Variants in IL1RAPL1 observed in about 807,000 individuals in gnomAD.
IL1RAPL1 encodes the protein interleukin-1 receptor accessory protein-like 1.
IL1RAPL1 carries 3 observed loss-of-function variants against 48.4 expected under a neutral mutation model. That is an observed-to-expected ratio of 0.06 (90% confidence interval 0.03 to 0.16). The LOEUF is 0.16. Among genes scored for constraint, IL1RAPL1 ranks in the 10% least tolerant of loss-of-function variants. The probability of loss-of-function intolerance (pLI) is 1.00; values close to 1 mark genes in which losing one functional copy is unlikely to be tolerated. For synonymous variants in IL1RAPL1, 185 were observed against 187.7 expected, an observed-to-expected ratio of 0.99 and a Z score of 0.12; for missense variants, 349 against 530.6, an observed-to-expected ratio of 0.66 and a Z score of 3.36.
At chrX:28,663,552 G>T (rs1306863160) in intron 1 of IL1RAPL1, among the ~76,000 whole-genome samples, 2 of 112,020 alleles carry the variant, frequency 1.8e-5, no homozygotes, top group South Asian at 7.4e-4. Flanking sequence ...TGATGAATCA[G>T]AAACAAAGGA....
chrX:29,699,821 T>C (rs1454438197), intron 6 of IL1RAPL1, among the ~76,000 whole-genome samples: 1 of 112,518 alleles, frequency 8.9e-6, no homozygotes, highest in Non-Finnish European at 1.9e-5. Context: ...AGAGAAAGGA[T>C]GACTTCACTC....
At chrX:28,961,000 A>C (rs1426749493) in intron 2 of IL1RAPL1, among the ~76,000 whole-genome samples, 1 of 69,057 alleles carries the variant, frequency 1.4e-5, no homozygotes, top group African/African-American at 6.5e-5. Flanking sequence ...ACAGAGCGAG[A>C]CTCCGTCTCA....
intron 2 of IL1RAPL1, among the ~76,000 whole-genome samples, chrX:29,279,925 A>G (rs749366896): frequency 8.9e-6 from 1 of 111,861 alleles, no homozygotes; most frequent in East Asian, 2.8e-4. Flanking sequence ...ACCTTCAAGC[A>G]TTTTGTTTTA....
At chrX:29,900,778 G>C (rs1470276157) in intron 6 of IL1RAPL1, among the ~76,000 whole-genome samples, 2 of 111,554 alleles carry the variant, frequency 1.8e-5, no homozygotes, top group African/African-American at 6.5e-5. Flanking sequence ...CCACTAAGTG[G>C]ATCAAATTAG....
intron 1 of IL1RAPL1, among the ~76,000 whole-genome samples, chrX:28,722,034 C>T (rs948930760): frequency 1.5e-4 from 17 of 111,593 alleles, no homozygotes; most frequent in Admixed American, 7.6e-4. Flanking sequence ...AGCATGATGC[C>T]TCCAGCTTTG....
intron 2 of IL1RAPL1, among the ~76,000 whole-genome samples, chrX:29,083,470 G>T (rs1467148162): frequency 9.0e-6 from 1 of 111,543 alleles, no homozygotes; most frequent in South Asian, 3.8e-4. Flanking sequence ...CAAGGTAAGG[G>T]GCTGCCCAAG....
intron 2 of IL1RAPL1, among the ~76,000 whole-genome samples, chrX:29,150,089 G>C (rs1424472306): frequency 8.9e-6 from 1 of 112,285 alleles, no homozygotes; most frequent in Admixed American, 9.5e-5. Flanking sequence ...ATCAAAATCA[G>C]TATCAGAAAA....
At chrX:29,541,625 T>A (rs772047255) in intron 5 of IL1RAPL1, among the ~76,000 whole-genome samples, 2 of 112,036 alleles carry the variant, frequency 1.8e-5, no homozygotes, top group South Asian at 7.4e-4. Flanking sequence ...TTAAATGTTG[T>A]CCTTTGCAAC....
intron 3 of IL1RAPL1, among the ~76,000 whole-genome samples, chrX:29,284,609 G>C (rs978048839): frequency 5.4e-5 from 6 of 111,582 alleles, no homozygotes; most frequent in Non-Finnish European, 7.5e-5. Context: ...GCCGAGGATG[G>C]TGGCACGTGC....
chrX:29,411,695 G>T (rs936426486), intron 5 of IL1RAPL1, among the ~76,000 whole-genome samples: 1 of 91,493 alleles, frequency 1.1e-5, no homozygotes, highest in African/African-American at 4.2e-5. Context: ...CATTGTTAAA[G>T]AAACAACTAC....
At chrX:28,723,246 TATTA>T (rs1444552177) in intron 1 of IL1RAPL1, among the ~76,000 whole-genome samples, 4 of 111,097 alleles carry the variant, frequency 3.6e-5, no homozygotes, top group South Asian at 7.6e-4. Context: ...ATTGGTAGGC[TATTA>T]ATTATTGCCT....
chrX:28,775,331 A>G (rs901481530), intron 1 of IL1RAPL1, among the ~76,000 whole-genome samples: 4 of 112,000 alleles, frequency 3.6e-5, no homozygotes, highest in African/African-American at 3.2e-5. Flanking sequence ...CCTGGTTTCT[A>G]GTGGTTACCA....
At chrX:29,666,995 AAAAT>A (rs1467859038) in intron 5 of IL1RAPL1, among the ~76,000 whole-genome samples, 1 of 112,162 alleles carries the variant, frequency 8.9e-6, no homozygotes, top group Non-Finnish European at 1.9e-5. Flanking sequence ...AGGCAGTAGA[AAAAT>A]AAAATCCATT....
At chrX:29,476,675 A>G (rs1251193093) in intron 5 of IL1RAPL1, among the ~76,000 whole-genome samples, 1 of 109,754 alleles carries the variant, frequency 9.1e-6, no homozygotes, top group Non-Finnish European at 1.9e-5. Flanking sequence ...TGTACAGCCC[A>G]TTATACATTC....
intron 6 of IL1RAPL1, among the ~76,000 whole-genome samples, chrX:29,764,097 CAAATT>C (rs1284458820): frequency 2.7e-5 from 3 of 111,362 alleles, no homozygotes; most frequent in Non-Finnish European, 3.8e-5. Flanking sequence ...AAGTAGGAAA[CAAATT>C]AAATTTTAAT....
chrX:29,678,697 C>T (rs185253336), intron 6 of IL1RAPL1, among the ~76,000 whole-genome samples: 7 of 110,754 alleles, frequency 6.3e-5, no homozygotes, highest in South Asian at 3.8e-4. Flanking sequence ...TGCCAAGGAT[C>T]TTTATTTAAT....
At chrX:28,897,023 G>C (rs1037079690) in intron 2 of IL1RAPL1, among the ~76,000 whole-genome samples, 1 of 110,935 alleles carries the variant, frequency 9.0e-6, no homozygotes. Flanking sequence ...TTTTAAGTCA[G>C]GTGTGAGTTG....
chrX:29,078,214 T>C (rs1927724037), intron 2 of IL1RAPL1, among the ~76,000 whole-genome samples: 1 of 111,702 alleles, frequency 9.0e-6, no homozygotes, highest in African/African-American at 3.3e-5. Context: ...GGAGGTTGCA[T>C]TGAGGCAAGA....
At chrX:29,151,370 T>G (rs1291216766) in intron 2 of IL1RAPL1, among the ~76,000 whole-genome samples, 2 of 112,136 alleles carry the variant, frequency 1.8e-5, no homozygotes, top group African/African-American at 6.5e-5. Context: ...AGTTTTGAAC[T>G]GGATAGTTCT....
Sources: gnomAD v4.1 joint callset for allele counts (sites outside exome capture counted in the v4.1 genomes callset) on GRCh38, gnomAD v4.1.1 for gene constraint, MANE v1.5 for transcripts, NCBI Gene and HGNC (gene_info 2026-07-23, HGNC 2026-07-21) for gene names.